Variants in DNAH9 observed in about 807,000 individuals in gnomAD.
DNAH9 encodes dynein axonemal heavy chain 9.
DNAH9 carries 345 observed loss-of-function variants against 471.6 expected under a neutral mutation model. That is an observed-to-expected ratio of 0.73 (90% CI 0.67 to 0.80). The LOEUF (loss-of-function observed/expected upper bound fraction) is 0.80, where lower values mean the gene tolerates loss of function less well. Ranked by LOEUF, DNAH9 falls within the 30% of genes least tolerant of loss-of-function variation. The probability of loss-of-function intolerance (pLI) is 0.00; values close to 1 mark genes in which losing one functional copy is unlikely to be tolerated. For synonymous variants in DNAH9, 2,093 were observed against 2,123.6 expected (o/e 0.99, Z 0.40); for missense variants, 5,407 against 5,609.2 (o/e 0.96, Z 1.15).
At position 11,892,050 on chromosome 17, in the gene DNAH9, G is replaced by A; in HGVS notation, c.11283+103G>A. On this transcript the variant is annotated intron_variant, in intron 58 of 68. Transcript: ENST00000262442. The surrounding 1 kb of genome is among the most constrained non-coding windows in gnomAD (Gnocchi z 4.3). ...CTTTGAACATCACTTTCCACAGCAT[G>A]TCCAGACTATCTGTCTTTGGATAGA... 7.4e-7 allele frequency: 1 copy of A among 1,344,072 alleles called. No homozygotes were observed. Among genetic ancestry groups the A allele is most frequent in the Non-Finnish European group, 1.0e-6 (1 of 962,964 alleles). The allele number at this position is 1,344,072 out of a possible 1,614,324, so 83.3% of individuals were successfully genotyped here.
At chr17:11,869,963 T>C (rs1185246653) in intron 51 of DNAH9, among the ~76,000 whole-genome samples, 1 of 152,182 alleles carries the variant, frequency 6.6e-6, no homozygotes, top group Non-Finnish European at 1.5e-5. Context: ...CGAGATGACT[T>C]CCTTCACATG....
chr17:11,903,416 G>A (rs919844070), intron 60 of DNAH9, among the ~76,000 whole-genome samples: 5 of 152,062 alleles, frequency 3.3e-5, no homozygotes, highest in African/African-American at 1.2e-4. Flanking sequence ...TGATATAAAT[G>A]TTCTAAAACG....
At chr17:11,898,739 G>A (rs945683841) in intron 59 of DNAH9, among the ~76,000 whole-genome samples, 4 of 152,138 alleles carry the variant, frequency 2.6e-5, no homozygotes, top group Admixed American at 1.3e-4. Context: ...GCCTCTGTTC[G>A]TATTACCCCA....
chr17:11,718,870 A>G (rs2075008477), intron 26 of DNAH9, among the ~76,000 whole-genome samples: 1 of 152,140 alleles, frequency 6.6e-6, no homozygotes, highest in Admixed American at 6.6e-5. Flanking sequence ...AACACTTAGT[A>G]GGTGAAGTCA....
Position 11,891,963 on chromosome 17 carries a change from A to G in DNAH9, c.11283+16A>G, listed in dbSNP as rs1409369461. On this transcript the variant is annotated intron_variant, in intron 58 of 68. Coordinates refer to ENST00000262442, the MANE Select transcript of DNAH9 (RefSeq NM_001372.4). ...CACCTTTCAGGTAAAAGTGGATTGA[A>G]GAAGTTTCCAGAAAACAGGTTATTT... The G allele has an allele frequency of 6.2e-7, 1 of 1,609,152 alleles. No homozygotes were observed. Among genetic ancestry groups the G allele is most frequent in the African/African-American group, 1.3e-5 (1 of 74,804 alleles).
At chr17:11,859,529 T>A (rs550657357) in intron 50 of DNAH9, among the ~76,000 whole-genome samples, 1 of 152,216 alleles carries the variant, frequency 6.6e-6, no homozygotes, top group East Asian at 1.9e-4. Flanking sequence ...GCTTTCAAGA[T>A]GTGTTAGTCT....
intron 15 of DNAH9, among the ~76,000 whole-genome samples, chr17:11,667,106 A>G (rs2073885215): frequency 6.6e-6 from 1 of 152,246 alleles, no homozygotes; most frequent in African/African-American, 2.4e-5. Context: ...TTACAGTCCC[A>G]TGTCAACATA....
intron 50 of DNAH9, among the ~76,000 whole-genome samples, chr17:11,866,813 AC>A: frequency 6.6e-6 from 1 of 152,136 alleles, no homozygotes; most frequent in Non-Finnish European, 1.5e-5. Context: ...TGGGCATAGG[AC>A]CCTCCGAGCC....
intron 6 of DNAH9, among the ~76,000 whole-genome samples, chr17:11,622,932 T>C (rs1332439545): frequency 6.6e-6 from 1 of 151,880 alleles, no homozygotes; most frequent in Admixed American, 6.6e-5. Flanking sequence ...GCTTTGCTCC[T>C]GTGCCCAGCT....
At chr17:11,639,313 A>C (rs2150683415) in intron 9 of DNAH9, among the ~76,000 whole-genome samples, 1 of 152,310 alleles carries the variant, frequency 6.6e-6, no homozygotes, top group South Asian at 2.1e-4. Flanking sequence ...GAAATAAAGG[A>C]AGTAGCCACT....
rs1555604123 is a variant in DNAH9 at position 11,824,880 on chromosome 17, T to TATCCTTCTCCTC, written c.9246+1846_9246+1847insATCCTTCTCCTC. 2.9e-4 allele frequency among the ~76,000 whole-genome samples: 44 copies of TATCCTTCTCCTC among 151,062 alleles called. No homozygotes were observed. In the East Asian group the frequency reaches 6.6e-3, roughly 23 times the overall value. The stretch of plus-strand genomic sequence containing the variant: ...TTCAGTACTGTCTTCTCCTTCTCCT[T>TATCCTTCTCCTC]CTCCTTCTCCTCCTCCTTCTCCTCT... On this transcript the variant is annotated intron_variant, in intron 48 of 68. Transcript: ENST00000262442.
At chr17:11,804,830 C>A (rs567753947) in intron 43 of DNAH9, among the ~76,000 whole-genome samples, 2 of 151,064 alleles carry the variant, frequency 1.3e-5, no homozygotes, top group Non-Finnish European at 2.9e-5. Flanking sequence ...GCCGAGATCG[C>A]GCCACTGTAC....
chr17:11,677,995 C>T (rs985026337), intron 17 of DNAH9, among the ~76,000 whole-genome samples: 15 of 91,674 alleles, frequency 1.6e-4, no homozygotes, highest in African/African-American at 6.2e-4. Context: ...TTTATTTAAG[C>T]CCCAGGAACT....
intron 32 of DNAH9, among the ~76,000 whole-genome samples, chr17:11,752,301 T>G (rs1318468315): frequency 6.6e-6 from 1 of 152,236 alleles, no homozygotes; most frequent in East Asian, 1.9e-4. Flanking sequence ...AGTTTCATCA[T>G]GTCATAGTTA....
intron 25 of DNAH9, 67 bp from the exon 26 acceptor site, chr17:11,704,958 T>A: frequency 7.4e-7 from 1 of 1,347,224 alleles, no homozygotes; most frequent in Non-Finnish European, 1.1e-6. Context: ...GACCCCTATG[T>A]GTCTTGTGGC....
chr17:11,665,031 A>G, intron 15 of DNAH9, 63 bp downstream of exon 15: 1 of 1,478,184 alleles, frequency 6.8e-7, no homozygotes, highest in South Asian at 1.2e-5. Flanking sequence ...CATTTGTTGA[A>G]TTATATTGAA....
Position 11,834,835 on chromosome 17 carries a change from G to A in DNAH9, c.9444G>A (p.Glu3148=). Residue 3148 remains glutamate, a synonymous_variant, in exon 49 of 69, where the codon GAG becomes GAA. Transcript: ENST00000262442. ...AACAGAAGCAGAAGGACTGTGAGGA[G>A]GACCTGGCAAAGGCTGAGCCAGCAC... The part of the protein sequence containing the change: ...EVKQKQKDCE[E]DLAKAEPALT... 1 of 1,613,986 alleles carries A rather than the reference G, an allele frequency of 6.2e-7. No homozygotes were observed. Among genetic ancestry groups the A allele is most frequent in the Non-Finnish European group, 8.5e-7 (1 of 1,180,008 alleles).
intron 49 of DNAH9, among the ~76,000 whole-genome samples, chr17:11,848,729 G>A (rs1324477138): frequency 6.6e-6 from 1 of 152,020 alleles, no homozygotes; most frequent in Non-Finnish European, 1.5e-5. Context: ...GTAAATTCTG[G>A]GAAATGACTT....
rs577806707 is a variant in DNAH9 at position 11,734,657 on chromosome 17, C to T, written c.5815-4223C>T. Among the ~76,000 whole-genome samples the T allele has an allele frequency of 2.0e-5, 3 of 152,306 alleles. No homozygotes were observed. In the South Asian group the frequency reaches 6.2e-4, roughly 32 times the overall value. On this transcript the variant is annotated intron_variant, in intron 28 of 68. Coordinates refer to ENST00000262442, the MANE Select transcript of DNAH9 (RefSeq NM_001372.4). Reference sequence around the variant, plus strand: ...ATCTGAGAGAGGGAGAGAGGGGAACCTCTGGCCTTTTCCAGGACCCAGACT... The same window carrying T: ...ATCTGAGAGAGGGAGAGAGGGGAACTTCTGGCCTTTTCCAGGACCCAGACT...
Sources: gnomAD v4.1 joint callset for allele counts (sites outside exome capture counted in the v4.1 genomes callset) on GRCh38, gnomAD v4.1.1 for gene constraint, Gnocchi (gnomAD v3.1) non-coding constraint, MANE v1.5 for transcripts, NCBI Gene and HGNC (gene_info 2026-07-23, HGNC 2026-07-21) for gene names.